The following PCDHA6 variants were observed in gnomAD, a reference collection of about 807,000 sequenced individuals.
PCDHA6 encodes protocadherin alpha-6.
Under a neutral mutation model 60.3 loss-of-function variants are expected in PCDHA6, and 55 were observed. The ratio of observed to expected loss-of-function variants is 0.91; its 90% CI spans 0.73 to 1.14. The LOEUF is 1.14. Ranked by LOEUF, PCDHA6 falls within the 50% of genes most tolerant of loss-of-function variation. The pLI is 0.00. For missense variants in PCDHA6, 1,327 were observed against 1,256.5 expected (o/e 1.06, Z -0.85); for synonymous variants, 652 against 557.9 (o/e 1.17, Z -2.38).
Position 140,871,550 on chromosome 5 carries a change from C to A in PCDHA6, c.2394+41065C>A, listed in dbSNP as rs369025500. On this transcript the variant is annotated intron_variant, in intron 1 of 3. Transcript: ENST00000529310. The stretch of plus-strand genomic sequence containing the variant: ...AAGTGTATGTGAAATTATTTAAAAT[C>A]CAGTTTTTTTTCACGGATTTTTTAA... The A allele has an allele frequency of 1.6e-4, 246 of 1,495,268 alleles. 8 individuals are homozygous for A. In the South Asian group the frequency reaches 3.1e-3, roughly 19 times the overall value. The allele number at this position is 1,495,268 out of a possible 1,614,324, so 92.6% of individuals were successfully genotyped here.
chr5:140,856,872 A>G (rs1554149238), intron 1 of PCDHA6: 1 of 1,596,142 alleles, frequency 6.3e-7, no homozygotes, highest in South Asian at 1.1e-5. Flanking sequence ...ATAAACAAGG[A>G]AATGATGTAT....
intron 1 of PCDHA6, chr5:140,851,868 C>A: frequency 1.0e-6 from 1 of 976,710 alleles, no homozygotes; most frequent in Non-Finnish European, 1.2e-6. Context: ...ATACATAACA[C>A]AAGGCAGAAA....
intron 1 of PCDHA6, among the ~76,000 whole-genome samples, chr5:140,915,973 T>G (rs1472373994): frequency 3.9e-5 from 6 of 152,150 alleles, no homozygotes; most frequent in African/African-American, 1.4e-4. Context: ...TGATATTTTA[T>G]TTGACTACGG....
chr5:140,933,653 G>GTC (rs1245688430), intron 1 of PCDHA6, among the ~76,000 whole-genome samples: 13 of 151,864 alleles, frequency 8.6e-5, no homozygotes, highest in African/African-American at 2.7e-4. Flanking sequence ...TGGAAATCCT[G>GTC]TCTCTCTCTC....
intron 1 of PCDHA6, chr5:140,851,337 C>T (rs2042031356): frequency 2.0e-6 from 2 of 978,912 alleles, no homozygotes; most frequent in African/African-American, 1.7e-5. Flanking sequence ...TAGTTCTCTA[C>T]ATTTCTCTGG....
At chr5:140,930,403 T>A (rs1337428261) in intron 1 of PCDHA6, 6 of 152,200 alleles carry the variant, frequency 3.9e-5, no homozygotes, top group African/African-American at 1.2e-4. Context: ...CTTTTTTTTT[T>A]TTGAGACAGG....
intron 1 of PCDHA6, among the ~76,000 whole-genome samples, chr5:140,937,096 G>A (rs1173485186): frequency 6.8e-6 from 1 of 146,810 alleles, no homozygotes; most frequent in Non-Finnish European, 1.5e-5. Context: ...GGAGTGCAGT[G>A]GCGCAGTCTC....
At chr5:140,931,323 T>A (rs912582961) in intron 1 of PCDHA6, among the ~76,000 whole-genome samples, 1 of 152,110 alleles carries the variant, frequency 6.6e-6, no homozygotes, top group Non-Finnish European at 1.5e-5. Context: ...CAGTAATGGC[T>A]GTAAAGTTTG....
At chr5:140,928,120 G>A (rs368067553) in intron 1 of PCDHA6, 5 of 1,614,062 alleles carry the variant, frequency 3.1e-6, no homozygotes, top group African/African-American at 1.3e-5. Context: ...GCAGATCAGT[G>A]AATACCAAGT....
intron 1 of PCDHA6, chr5:140,926,735 G>A (rs2083511846): frequency 1.1e-5 from 12 of 1,140,634 alleles, no homozygotes; most frequent in African/African-American, 1.6e-5. Context: ...GCGTTCGGGA[G>A]GCGCAACGTC....
chr5:140,923,247 T>G (rs1230824523), intron 1 of PCDHA6, among the ~76,000 whole-genome samples: 6 of 152,252 alleles, frequency 3.9e-5, no homozygotes, highest in African/African-American at 1.4e-4. Flanking sequence ...TGAGACCAGC[T>G]GGGCAACATA....
Position 140,842,609 on chromosome 5 carries a change from G to T in PCDHA6, c.2394+12124G>T, listed in dbSNP as rs2150340474. 6.2e-5 allele frequency: 99 copies of T among 1,595,866 alleles called. 3 individuals carry two copies. In the East Asian group the frequency reaches 1.8e-3, roughly 29 times the overall value. On this transcript the variant is annotated intron_variant, in intron 1 of 3. Transcript: ENST00000529310. ...TGAGTTGGTGGTAACCGCGCGGGAC[G>T]GGGGCTCGCCTTCGCTGTGGGCCAC...
chr5:140,885,161 T>C (rs1554182019), intron 1 of PCDHA6, among the ~76,000 whole-genome samples: 1 of 151,600 alleles, frequency 6.6e-6, no homozygotes, highest in Non-Finnish European at 1.5e-5. Flanking sequence ...TTGTCTCTAC[T>C]TTTTTGTCCT....
At chr5:141,002,907 A>T (rs1201381868) in intron 3 of PCDHA6, among the ~76,000 whole-genome samples, 1 of 152,210 alleles carries the variant, frequency 6.6e-6, no homozygotes, top group Non-Finnish European at 1.5e-5. Flanking sequence ...TGAAGAGAAG[A>T]TCAGAAAAGT....
chr5:140,839,348 C>T (rs1169495431), intron 1 of PCDHA6, among the ~76,000 whole-genome samples: 2 of 148,576 alleles, frequency 1.3e-5, no homozygotes, highest in African/African-American at 2.5e-5. Flanking sequence ...AGGGGATCCT[C>T]CTTAGCCACC....
At chr5:140,987,982 C>T (rs781838400) in intron 3 of PCDHA6, among the ~76,000 whole-genome samples, 16 of 152,206 alleles carry the variant, frequency 1.1e-4, no homozygotes, top group Non-Finnish European at 1.5e-4. Flanking sequence ...TCCATGGAGA[C>T]TCCATCTCTG....
chr5:140,885,603 T>G (rs2060651521), intron 1 of PCDHA6, among the ~76,000 whole-genome samples: 1 of 152,202 alleles, frequency 6.6e-6, no homozygotes, highest in South Asian at 2.1e-4. Context: ...ATATTAATAA[T>G]TTTAATTATA....
intron 1 of PCDHA6, chr5:140,871,144 A>T (rs1554165205): frequency 6.2e-7 from 1 of 1,613,222 alleles, no homozygotes; most frequent in African/African-American, 1.3e-5. Context: ...CTCTTCCCGG[A>T]CTTTGGCGGG....
At chr5:140,857,602 G>A in intron 1 of PCDHA6, 2 of 1,596,382 alleles carry the variant, frequency 1.3e-6, no homozygotes, top group Non-Finnish European at 8.6e-7. Context: ...AGGTGTACGC[G>A]CTGCAGCCGC....
Sources: gnomAD v4.1 joint callset for allele counts (sites outside exome capture counted in the v4.1 genomes callset) on GRCh38, gnomAD v4.1.1 for gene constraint, MANE v1.5 for transcripts, NCBI Gene and HGNC (gene_info 2026-07-23, HGNC 2026-07-21) for gene names.